Variants in CLSTN2 observed in about 807,000 individuals in gnomAD.
CLSTN2 encodes calsyntenin 2.
Under a neutral mutation model 101.2 loss-of-function variants are expected in CLSTN2, and 48 were observed. That is an observed-to-expected ratio of 0.47 (90% confidence interval 0.38 to 0.60). The LOEUF (loss-of-function observed/expected upper bound fraction) is 0.60, where lower values mean the gene tolerates loss of function less well. Among genes scored for constraint, CLSTN2 ranks in the 20% least tolerant of loss-of-function variants. The pLI, the probability that CLSTN2 is intolerant of heterozygous loss-of-function variation, is 0.00. For synonymous variants in CLSTN2, 481 were observed against 463.6 expected (o/e 1.04, Z -0.48); for missense variants, 1,160 against 1,238.2 (o/e 0.94, Z 0.95).
chr3:140,359,993 T>TACACAC lies in CLSTN2; in HGVS notation c.233-43606_233-43601dup, dbSNP rs55746611. Among the ~76,000 whole-genome samples the TACACAC allele has an allele frequency of 2.7e-3, 393 of 145,968 alleles. 1 individual carries two copies. Among genetic ancestry groups the TACACAC allele is most frequent in the African/African-American group, 9.2e-3 (364 of 39,610 alleles). On this transcript the variant is annotated intron_variant, in intron 2 of 16. Transcript: ENST00000458420. Reference sequence around the variant, plus strand: ...TATACACACATACATACATATTTTATACACACACACACACACACACACACA... The same window carrying TACACAC: ...TATACACACATACATACATATTTTATACACACACACACACACACACACACACACACA...
intron 1 of CLSTN2, among the ~76,000 whole-genome samples, chr3:140,173,530 T>C (rs1318176065): frequency 2.0e-5 from 3 of 152,208 alleles, no homozygotes; most frequent in East Asian, 1.9e-4. Flanking sequence ...GATTCCCCAG[T>C]AGGGACTCTG....
At chr3:140,342,224 GT>G (rs1186793816) in intron 2 of CLSTN2, among the ~76,000 whole-genome samples, 1 of 152,036 alleles carries the variant, frequency 6.6e-6, no homozygotes, top group East Asian at 1.9e-4. Context: ...TCCAGGGACC[GT>G]CCTGTGTATT....
At chr3:140,138,858 T>C (rs552414643) in intron 1 of CLSTN2, among the ~76,000 whole-genome samples, 2 of 152,336 alleles carry the variant, frequency 1.3e-5, no homozygotes, top group Admixed American at 6.5e-5. Context: ...TCAAGCTCCA[T>C]TTTTAAGAGG....
chr3:140,445,856 G>A (rs988256873), intron 5 of CLSTN2, among the ~76,000 whole-genome samples: 1 of 152,182 alleles, frequency 6.6e-6, no homozygotes, highest in Non-Finnish European at 1.5e-5. Context: ...CTCTGTGCCA[G>A]GCACTGACTA....
At chr3:140,428,598 A>G (rs1022709071) in intron 5 of CLSTN2, among the ~76,000 whole-genome samples, 2 of 152,122 alleles carry the variant, frequency 1.3e-5, no homozygotes, top group African/African-American at 2.4e-5. Flanking sequence ...CGTGAGTGTG[A>G]TCCCATGGCA....
At chr3:140,360,757 AT>A (rs2087722261) in intron 2 of CLSTN2, among the ~76,000 whole-genome samples, 1 of 152,238 alleles carries the variant, frequency 6.6e-6, no homozygotes, top group African/African-American at 2.4e-5. Context: ...TTTTGATGAA[AT>A]GGAAAAAAGT....
intron 2 of CLSTN2, among the ~76,000 whole-genome samples, chr3:140,380,707 T>C (rs2087971588): frequency 2.6e-5 from 4 of 152,156 alleles, no homozygotes; most frequent in Admixed American, 2.6e-4. Context: ...ACTCATTCAG[T>C]AAGCATGCTG....
chr3:140,378,351 T>A (rs1423529398), intron 2 of CLSTN2, among the ~76,000 whole-genome samples: 1 of 152,246 alleles, frequency 6.6e-6, no homozygotes, highest in African/African-American at 2.4e-5. Flanking sequence ...CATCTGGCTC[T>A]AATAGAGTAA....
chr3:140,139,647 G>A (rs2009666613), intron 1 of CLSTN2, among the ~76,000 whole-genome samples: 1 of 152,210 alleles, frequency 6.6e-6, no homozygotes, highest in Non-Finnish European at 1.5e-5. Flanking sequence ...GGGGCAAGCA[G>A]AGCTAAAGAA....
At chr3:140,314,995 C>T (rs1233590270) in intron 2 of CLSTN2, among the ~76,000 whole-genome samples, 2 of 152,196 alleles carry the variant, frequency 1.3e-5, no homozygotes, top group Non-Finnish European at 2.9e-5. Context: ...CATTAAGTTT[C>T]TCTGGTCTCA....
intron 1 of CLSTN2, among the ~76,000 whole-genome samples, chr3:140,092,155 C>T (rs1182261165): frequency 1.3e-5 from 2 of 152,146 alleles, no homozygotes; most frequent in Non-Finnish European, 2.9e-5. Context: ...GCATTGTGTG[C>T]CCCCTCAAAC....
intron 2 of CLSTN2, among the ~76,000 whole-genome samples, chr3:140,354,907 T>C (rs2087652311): frequency 6.6e-6 from 1 of 152,202 alleles, no homozygotes; most frequent in Non-Finnish European, 1.5e-5. Context: ...TTGCACCTAC[T>C]ATTCTCCTGC....
In CLSTN2 at chr3:140,448,575, A is replaced by G. The variant is rs1453151033; in HGVS notation, c.844A>G (p.Ser282Gly). 5 of 1,614,006 alleles carry G rather than the reference A, an allele frequency of 3.1e-6. No individual in the cohort carries two copies. Among genetic ancestry groups the G allele is most frequent in the African/African-American group, 1.3e-5 (1 of 74,908 alleles). Residue 282 changes from serine (S) to glycine (G), a missense_variant, in exon 6 of 17, where the codon AGC becomes GGC. Transcript: ENST00000458420. ...PGSGSMPLFP[S>G]IHLETCDGAV... ...CTCCGGGAGCATGCCCCTGTTCCCC[A>G]GCATCCACCTGGAGACGTGCGATGG...
At chr3:140,031,633 G>A (rs1296101019) in intron 1 of CLSTN2, among the ~76,000 whole-genome samples, 3 of 152,168 alleles carry the variant, frequency 2.0e-5, no homozygotes, top group Non-Finnish European at 4.4e-5. Flanking sequence ...TGAATATGGA[G>A]GGATATTTGT....
rs144947448 is a variant in CLSTN2 at position 140,069,687 on chromosome 3, C to T, written c.110-106264C>T. Among the ~76,000 whole-genome samples the T allele has an allele frequency of 5.1e-3, 772 of 152,248 alleles. 7 individuals carry two copies. Among genetic ancestry groups the T allele is most frequent in the African/African-American group, 0.018 (741 of 41,542 alleles). On this transcript the variant is annotated intron_variant, in intron 1 of 16. Transcript: ENST00000458420. ...GAAGTTCACATCTTCCCTTATAGCG[C>T]ATGTTGGCAAAGGCAAGATTTAAAC...
chr3:140,486,070 A>T (rs1934235458), intron 8 of CLSTN2, among the ~76,000 whole-genome samples: 1 of 151,954 alleles, frequency 6.6e-6, no homozygotes, highest in Non-Finnish European at 1.5e-5. Flanking sequence ...AGCTGTTCCT[A>T]TTTGGCCGTC....
At chr3:139,961,013 TCA>T (rs1935498483) in intron 1 of CLSTN2, among the ~76,000 whole-genome samples, 1 of 152,104 alleles carries the variant, frequency 6.6e-6, no homozygotes. Context: ...TAGAAATCAC[TCA>T]CAAAAATTTA....
intron 2 of CLSTN2, among the ~76,000 whole-genome samples, chr3:140,256,123 G>C (rs979169273): frequency 2.0e-5 from 3 of 152,174 alleles, no homozygotes; most frequent in Non-Finnish European, 4.4e-5. Flanking sequence ...GTTAGTCCTA[G>C]GTATGGCAGC....
At chr3:140,135,837 C>T (rs73868742) in intron 1 of CLSTN2, among the ~76,000 whole-genome samples, 281 of 152,324 alleles carry the variant, frequency 1.8e-3, no homozygotes, top group African/African-American at 6.6e-3. Context: ...CTGGCTTAAA[C>T]TCTAATCTCT....
Sources: gnomAD v4.1 joint callset for allele counts (sites outside exome capture counted in the v4.1 genomes callset) on GRCh38, gnomAD v4.1.1 for gene constraint, MANE v1.5 for transcripts, NCBI Gene and HGNC (gene_info 2026-07-23, HGNC 2026-07-21) for gene names.